Variants in FAM120A observed in about 807,000 individuals in gnomAD.
The protein encoded by FAM120A is family with sequence similarity 120 member A.
Under a neutral mutation model 109.7 loss-of-function variants are expected in FAM120A, and 15 were observed. The ratio of observed to expected loss-of-function variants is 0.14; its 90% CI spans 0.09 to 0.21. FAM120A has a LOEUF of 0.21. FAM120A is among the 10% of genes least tolerant of loss of function. The probability of loss-of-function intolerance (pLI) is 1.00; values close to 1 mark genes in which losing one functional copy is unlikely to be tolerated. For synonymous variants in FAM120A, 493 were observed against 572.8 expected, an observed-to-expected ratio of 0.86 and a Z score of 1.99; for missense variants, 899 against 1,439.3, an observed-to-expected ratio of 0.62 and a Z score of 6.07.
intron 12 of FAM120A, among the ~76,000 whole-genome samples, chr9:93,552,649 G>A (rs1862140281): frequency 6.6e-6 from 1 of 152,156 alleles, no homozygotes; most frequent in Non-Finnish European, 1.5e-5. Context: ...TTATTTAAAT[G>A]CTACAAAAAT....
intron 11 of FAM120A, among the ~76,000 whole-genome samples, chr9:93,550,094 G>T (rs1862039758): frequency 6.6e-6 from 1 of 152,176 alleles, no homozygotes; most frequent in South Asian, 2.1e-4. Flanking sequence ...TGTGGTACTG[G>T]CCCTATCTTC....
intron 5 of FAM120A, among the ~76,000 whole-genome samples, chr9:93,501,867 T>C (rs1416005025): frequency 2.0e-5 from 3 of 152,214 alleles, no homozygotes; most frequent in African/African-American, 7.2e-5. Context: ...AAACATAAAT[T>C]ACATTAGCTG....
At chr9:93,554,730 G>A (rs1229008513) in intron 12 of FAM120A, among the ~76,000 whole-genome samples, 3 of 152,210 alleles carry the variant, frequency 2.0e-5, no homozygotes, top group Non-Finnish European at 4.4e-5. Flanking sequence ...CACAAAGGGT[G>A]TTGGTGGCAT....
chr9:93,516,966 T>C (rs1191634108), intron 7 of FAM120A, among the ~76,000 whole-genome samples: 3 of 152,238 alleles, frequency 2.0e-5, no homozygotes, highest in Non-Finnish European at 4.4e-5. Flanking sequence ...TCCTTTTCCT[T>C]GGTGTGAACT....
intron 3 of FAM120A, among the ~76,000 whole-genome samples, chr9:93,491,841 T>C (rs1018046248): frequency 6.6e-6 from 1 of 152,126 alleles, no homozygotes; most frequent in African/African-American, 2.4e-5. Context: ...GTTTTTGGGC[T>C]AAGATTTAAA....
At chr9:93,561,535 C>T (rs1454436653) in intron 16 of FAM120A, among the ~76,000 whole-genome samples, 1 of 152,162 alleles carries the variant, frequency 6.6e-6, no homozygotes, top group Non-Finnish European at 1.5e-5. Context: ...GCTGGGACCA[C>T]AGTCATGTGC....
intron 13 of FAM120A, among the ~76,000 whole-genome samples, chr9:93,556,841 C>G (rs1184919236): frequency 6.6e-6 from 1 of 152,170 alleles, no homozygotes; most frequent in Non-Finnish European, 1.5e-5. Context: ...TTAGTGAATA[C>G]TGACCATTGC....
Position 93,565,944 on chromosome 9 carries a change from T to C in FAM120A, c.*1404T>C, listed in dbSNP as rs1247013362. The C allele has an allele frequency of 6.6e-6, 1 of 152,626 alleles. No homozygotes were observed. The highest frequency in any genetic ancestry group is 1.5e-5 in the Non-Finnish European group (1 of 68,034). 9.5% of individuals were successfully genotyped at this position (152,626 alleles called of 1,614,324 possible). On this transcript the variant is annotated 3_prime_UTR_variant, in exon 18 of 18. Transcript: ENST00000277165. ...CCAACCCCTGCCCGCAAGAGCTAAG[T>C]AGGATCTTACTGTAAGTTGAAGGGA...
chr9:93,544,160 T>A (rs1422927572), intron 11 of FAM120A, among the ~76,000 whole-genome samples: 1 of 152,232 alleles, frequency 6.6e-6, no homozygotes, highest in East Asian at 1.9e-4. Flanking sequence ...GCCTTATCCT[T>A]ACGCACATTG....
chr9:93,517,306 C>A (rs1283562183), intron 7 of FAM120A, among the ~76,000 whole-genome samples: 1 of 152,130 alleles, frequency 6.6e-6, no homozygotes, highest in Non-Finnish European at 1.5e-5. Flanking sequence ...ATATGCAATG[C>A]CAAGACTCTA....
intron 9 of FAM120A, 197 bp downstream of exon 9, chr9:93,529,777 G>T: frequency 1.6e-6 from 1 of 622,388 alleles, no homozygotes. Flanking sequence ...AATAACTCGT[G>T]AAAAGTCTCA....
At chr9:93,513,481 G>A (rs1415722281) in intron 5 of FAM120A, among the ~76,000 whole-genome samples, 1 of 152,212 alleles carries the variant, frequency 6.6e-6, no homozygotes, top group Non-Finnish European at 1.5e-5. Context: ...GTGTGTCTAT[G>A]TGCGTGTTGC....
At chr9:93,477,435 A>C (rs1858595612) in intron 3 of FAM120A, among the ~76,000 whole-genome samples, 1 of 152,220 alleles carries the variant, frequency 6.6e-6, no homozygotes, top group Non-Finnish European at 1.5e-5. Context: ...TTGTTCAAAA[A>C]TTAGTTTTTC....
Position 93,502,565 on chromosome 9 carries a change from TACACACACACACAC to T in FAM120A, c.1030+3700_1030+3713del, listed in dbSNP as rs6151079. 2.5e-4 allele frequency among the ~76,000 whole-genome samples: 36 copies of T among 146,798 alleles called. No homozygotes were observed. In the South Asian group the frequency reaches 7.2e-3, roughly 29 times the overall value. ...AGTGTAGAGTTCTTAGGAGGACACATACACACACACACACACACACACACACACACACACGCACA... is the reference window on the plus strand; with the variant it reads ...AGTGTAGAGTTCTTAGGAGGACACATACACACACACACACACACACGCACA... On this transcript the variant is annotated intron_variant, in intron 5 of 17. Transcript: ENST00000277165.
At chr9:93,465,294 A>G (rs1187907377) in intron 1 of FAM120A, among the ~76,000 whole-genome samples, 2 of 152,224 alleles carry the variant, frequency 1.3e-5, no homozygotes, top group Non-Finnish European at 2.9e-5. Context: ...CTTAAATCTT[A>G]AGGAATTGTT....
chr9:93,489,987 C>T (rs1212747714), intron 3 of FAM120A, among the ~76,000 whole-genome samples: 2 of 152,216 alleles, frequency 1.3e-5, no homozygotes, highest in African/African-American at 4.8e-5. Context: ...CCTCAGCCCC[C>T]AGACCTGTGC....
At chr9:93,562,346 A>G (rs1362986270) in intron 17 of FAM120A, 42 bp downstream of exon 17, 2 of 1,484,124 alleles carry the variant, frequency 1.3e-6, no homozygotes. Context: ...CAATGCCCTC[A>G]GGGATGTCTC....
At chr9:93,478,149 A>G (rs534659632) in intron 3 of FAM120A, among the ~76,000 whole-genome samples, 4 of 151,522 alleles carry the variant, frequency 2.6e-5, no homozygotes, top group Admixed American at 1.3e-4. Flanking sequence ...TATGACATCA[A>G]CTAAATTAAT....
In FAM120A at chr9:93,558,641, T is replaced by C; in HGVS notation, c.2729T>C (p.Phe910Ser). The C allele has an allele frequency of 6.2e-7, 1 of 1,614,184 alleles. No homozygotes were observed. Among genetic ancestry groups the C allele is most frequent in the Non-Finnish European group, 8.5e-7 (1 of 1,180,026 alleles). The change falls in exon 15 of 18, where the codon TTC (phenylalanine) becomes TCC (serine). Residue 910 changes from phenylalanine to serine, a missense_variant. Phe to Ser is a radical substitution (Grantham distance 155, BLOSUM62 -2). Around this residue, in one of 11 missense-constraint regions of FAM120A, gnomAD observed 129 missense variants for 153.4 expected, o/e 0.84. Coordinates refer to ENST00000277165, the MANE Select transcript of FAM120A (RefSeq NM_014612.5). ...GTAGCAACAGGCCCTTACCGTGCCT[T>C]CCGTGTGGCGGCAGCATCGGGACAC... ...ETVATGPYRA[F>S]RVAAASGHCG...
Sources: allele counts gnomAD v4.1 joint callset (sites outside exome capture counted in the v4.1 genomes callset), GRCh38; gene constraint gnomAD v4.1.1; regional missense constraint gnomAD v4.1.1; transcripts MANE v1.5; gene names NCBI Gene and HGNC (gene_info 2026-07-23, HGNC 2026-07-21).